Variants in CRHBP observed in about 807,000 individuals in gnomAD.
CRHBP encodes the protein corticotropin-releasing hormone-binding protein.
Under a neutral mutation model 34.9 loss-of-function variants are expected in CRHBP, and 19 were observed. The ratio of observed to expected loss-of-function variants is 0.55; its 90% CI spans 0.38 to 0.80. The LOEUF (loss-of-function observed/expected upper bound fraction) is 0.80. CRHBP is among the 30% of genes least tolerant of loss of function. The pLI, the probability that CRHBP is intolerant of heterozygous loss-of-function variation, is 0.00. For synonymous variants in CRHBP, 154 were observed against 153.4 expected, an observed-to-expected ratio of 1.00 and a Z score of -0.03; for missense variants, 328 against 409.2, an observed-to-expected ratio of 0.80 and a Z score of 1.71.
chr5:76,963,557 CA>C, intron 6 of CRHBP, 97 bp downstream of exon 6: 14 of 1,042,204 alleles, frequency 1.3e-5, no homozygotes, highest in Non-Finnish European at 1.7e-5. Context: ...TGAGTTTCGC[CA>C]AAAAAGCCTT....
chr5:76,975,825 A>AAAAAAAAAC lies in CRHBP; in HGVS notation n.312-539_312-538insAAAAAAACA. ...TCTCAAAAAAAAAAAAAAAAAAAAAAATATATATATATATATATATACACG... is the reference window on the plus strand; with the variant it reads ...TCTCAAAAAAAAAAAAAAAAAAAAAAAAAAAAAACATATATATATATATATATATACACG... On this transcript the variant is annotated intron_variant and non_coding_transcript_variant, in intron 2 of 3. Coordinates refer to the CRHBP transcript ENST00000514258. 2.2e-3 allele frequency among the ~76,000 whole-genome samples: 133 copies of AAAAAAAAAC among 61,840 alleles called. 5 individuals carry two copies. Among genetic ancestry groups the AAAAAAAAAC allele is most frequent in the African/African-American group, 0.012 (128 of 10,960 alleles). 40.6% of individuals were successfully genotyped at this position (61,840 alleles called of 152,430 possible). A position where few individuals can be genotyped will look rare whatever the true frequency, so the allele number is the denominator to read the frequency against.
chr5:76,966,391 C>T (rs1252130133), intron 6 of CRHBP, among the ~76,000 whole-genome samples: 1 of 152,156 alleles, frequency 6.6e-6, no homozygotes, highest in Non-Finnish European at 1.5e-5. Context: ...AATTGGCACC[C>T]TATGCAGATG....
downstream of CRHBP, among the ~76,000 whole-genome samples, chr5:76,971,076 G>T (rs943710190): frequency 1.3e-5 from 2 of 152,180 alleles, no homozygotes; most frequent in Non-Finnish European, 2.9e-5. Flanking sequence ...AGATTTATAG[G>T]TTGTGTCTTC....
intron 1 of CRHBP, 92 bp downstream of exon 1, chr5:76,953,307 T>G (rs1235780273): frequency 7.5e-6 from 9 of 1,198,754 alleles, no homozygotes; most frequent in Non-Finnish European, 1.1e-5. Flanking sequence ...CTTTTGGGGT[T>G]CGCTGTTTCT....
intron 2 of CRHBP, among the ~76,000 whole-genome samples, chr5:76,974,515 G>A (rs556694386): frequency 1.4e-5 from 2 of 143,620 alleles, no homozygotes; most frequent in East Asian, 4.4e-4. Flanking sequence ...CTTCATGAAA[G>A]GAAAACAAAG....
chr5:76,953,633 G>A lies in CRHBP; in HGVS notation c.114G>A (p.Leu38=), dbSNP rs777345097. ...AAGCGGCGGACTACGATCCTTTCCT[G>A]CTCTTCAGCGCCAACCTGAAGCGGG... ...LREAADYDPF[L]LFSANLKREL... Residue 38 remains leucine, a synonymous_variant, in exon 2 of 7, where the codon CTG becomes CTA. Transcript: ENST00000274368. The A allele has an allele frequency of 1.2e-6, 2 of 1,612,732 alleles. No homozygotes were observed. Among genetic ancestry groups the A allele is most frequent in the South Asian group, 2.2e-5 (2 of 90,602 alleles).
At chr5:76,967,695 A>C (rs1328247038) in intron 6 of CRHBP, among the ~76,000 whole-genome samples, 1 of 151,728 alleles carries the variant, frequency 6.6e-6, no homozygotes, top group East Asian at 1.9e-4. Flanking sequence ...ATAATGAATA[A>C]GATTGGATTT....
At chr5:76,968,019 A>G (rs1025994202) in intron 6 of CRHBP, among the ~76,000 whole-genome samples, 49 of 152,208 alleles carry the variant, frequency 3.2e-4, no homozygotes, top group Middle Eastern at 3.4e-3. Context: ...ATTTAAGAGA[A>G]GCAAGGATAT....
chr5:76,960,148 AG>A (rs1745754300), intron 5 of CRHBP, among the ~76,000 whole-genome samples: 1 of 152,208 alleles, frequency 6.6e-6, no homozygotes, highest in African/African-American at 2.4e-5. Flanking sequence ...GCAGCAGAGT[AG>A]TGTGGTAGAC....
intron 2 of CRHBP, 134 bp from the exon 3 acceptor site, chr5:76,953,895 C>A (rs1580089394): frequency 9.6e-6 from 12 of 1,244,114 alleles, no homozygotes; most frequent in Non-Finnish European, 1.2e-5. Flanking sequence ...AGGAACCCAG[C>A]GCAGCCTAGG....
intron 4 of CRHBP, among the ~76,000 whole-genome samples, chr5:76,956,961 A>C (rs1225413902): frequency 2.6e-5 from 4 of 152,140 alleles, no homozygotes; most frequent in Non-Finnish European, 5.9e-5. Context: ...AAAGCCCCCC[A>C]AAAAGGCTGT....
chr5:76,953,936 C>A, intron 2 of CRHBP, 93 bp from the exon 3 acceptor site: 2 of 1,466,856 alleles, frequency 1.4e-6, no homozygotes, highest in African/African-American at 1.4e-5. Context: ...CACTACAGAG[C>A]CCGGGAATGG....
Position 76,969,012 on chromosome 5 carries a change from C to A in CRHBP, c.*127C>A, listed in dbSNP as rs1037753179. 3.0e-6 allele frequency: 3 copies of A among 997,922 alleles called. No individual in the cohort carries two copies. Among genetic ancestry groups the A allele is most frequent in the Non-Finnish European group, 4.4e-6 (3 of 681,716 alleles). 61.8% of individuals were successfully genotyped at this position (997,922 alleles called of 1,614,324 possible). ...CAGTATTCCCAGCCTTGAGCGCACG[C>A]GCGCACACACACACACACATACACA... On this transcript the variant is annotated 3_prime_UTR_variant, in exon 7 of 7. Coordinates refer to ENST00000274368, the MANE Select transcript of CRHBP (RefSeq NM_001882.4).
chr5:76,956,011 C>T, intron 4 of CRHBP, 148 bp downstream of exon 4: 1 of 659,180 alleles, frequency 1.5e-6, no homozygotes, highest in Non-Finnish European at 2.6e-6. Flanking sequence ...AGGATAGTTT[C>T]TATTCTTTAT....
At chr5:76,977,630 G>C (rs1746059442) in intron 3 of CRHBP, among the ~76,000 whole-genome samples, 1 of 151,992 alleles carries the variant, frequency 6.6e-6, no homozygotes, top group South Asian at 2.1e-4. Flanking sequence ...TTGTTCCCCT[G>C]TCTCCCTTTC....
chr5:76,958,609 A>G (rs1204277220), intron 4 of CRHBP, 132 bp from the exon 5 acceptor site: 4 of 973,380 alleles, frequency 4.1e-6, no homozygotes, highest in Admixed American at 3.0e-5. Context: ...CTTTTGTGGT[A>G]TATATGCTCT....
intron 1 of CRHBP, 106 bp from the exon 2 acceptor site, chr5:76,953,495 T>G: frequency 8.7e-7 from 1 of 1,148,084 alleles, no homozygotes; most frequent in Non-Finnish European, 1.3e-6. Flanking sequence ...ATTACCCCTC[T>G]CTCTTTATTC....
Position 76,953,692 on chromosome 5 carries a change from T to C in CRHBP, c.173T>C (p.Leu58Pro), listed in dbSNP as rs1247520475. ...GGGGAGCAGCCGTACCGCCGCGCTC[T>C]GCGTGAGTCGAGGCTGCCCGGCTCG... ...LAGEQPYRRA[L>P]RCLDMLSLQG... is the part of the protein sequence containing the mutation. The change falls in exon 2 of 7, where the codon CTG becomes CCG. Residue 58 changes from leucine to proline, a missense_variant and splice_region_variant. By Grantham distance (98) the Leu-to-Pro change is moderately conservative. Around this residue, in one of 3 missense-constraint regions of CRHBP, gnomAD observed 173 missense variants for 172.2 expected, o/e 1.00. Transcript: ENST00000274368. The C allele has an allele frequency of 6.2e-7, 1 of 1,607,816 alleles. No homozygotes were observed. The highest frequency in any genetic ancestry group is 1.3e-5 in the African/African-American group (1 of 74,918).
intron 6 of CRHBP, among the ~76,000 whole-genome samples, chr5:76,967,989 G>A (rs1203773200): frequency 6.6e-6 from 1 of 151,978 alleles, no homozygotes; most frequent in South Asian, 2.1e-4. Context: ...GAGCCACCGT[G>A]CCCAGCTGAA....
Sources: allele counts gnomAD v4.1 joint callset (sites outside exome capture counted in the v4.1 genomes callset), GRCh38; gene constraint gnomAD v4.1.1; regional missense constraint gnomAD v4.1.1; transcripts MANE v1.5; gene names NCBI Gene and HGNC (gene_info 2026-07-23, HGNC 2026-07-21).